SESN1: variants seen among roughly 807,000 people sequenced by gnomAD.
SESN1 encodes sestrin-1.
In SESN1, 30 loss-of-function variants were observed where a neutral mutation model predicts 59.3. The ratio of observed to expected loss-of-function variants is 0.51; its 90% CI spans 0.38 to 0.69. The LOEUF is 0.69. Among genes scored for constraint, SESN1 ranks in the 30% least tolerant of loss-of-function variants. SESN1 has a pLI of 0.00. For missense variants in SESN1, 566 were observed against 673.0 expected, an observed-to-expected ratio of 0.84 and a Z score of 1.76; for synonymous variants, 197 against 219.9, an observed-to-expected ratio of 0.90 and a Z score of 0.92.
chr6:109,027,748 A>G (rs1780118767), intron 1 of SESN1, among the ~76,000 whole-genome samples: 1 of 152,144 alleles, frequency 6.6e-6, no homozygotes, highest in Admixed American at 6.5e-5. Context: ...ACAACAAAGC[A>G]TTATCTGGCC....
At position 108,988,561 on chromosome 6, in the gene SESN1, C is replaced by T. The variant is rs769988474; in HGVS notation, c.1551G>A (p.Gln517=). The T allele has an allele frequency of 6.2e-7, 1 of 1,610,616 alleles. No homozygotes were observed. The highest frequency in any genetic ancestry group is 2.2e-5 in the East Asian group (1 of 44,784). The change falls in exon 9 of 10, where the codon CAG becomes CAA. Residue 517 remains glutamine (Q), a synonymous_variant. Coordinates refer to ENST00000436639, the MANE Select transcript of SESN1 (RefSeq NM_014454.3). ...TKRMYDSFWR[Q]FKHSEKVHVN... ...CACATACCTTCTCAGAGTGCTTGAACTGCCTCCAGAAGCTATCATACATTC... is the reference window on the plus strand; with the variant it reads ...CACATACCTTCTCAGAGTGCTTGAATTGCCTCCAGAAGCTATCATACATTC...
chr6:109,037,034 A>G (rs1780260440), intron 1 of SESN1, among the ~76,000 whole-genome samples: 1 of 152,176 alleles, frequency 6.6e-6, no homozygotes. Context: ...GCCCCCGCCC[A>G]TAATGTGCTG....
Position 108,984,434 on chromosome 6 carries a change from T to C in SESN1, c.*3110A>G, listed in dbSNP as rs1779127499. ...GGCACACTCTAGCTGTGTCCTTTCA[T>C]GGTAGAAGGGGAGCTCCCCAGACCT... On this transcript the variant is annotated 3_prime_UTR_variant, in exon 10 of 10. Coordinates refer to ENST00000436639, the MANE Select transcript of SESN1 (RefSeq NM_014454.3). Among the ~76,000 whole-genome samples, 1 of 152,204 alleles carries C rather than the reference T, an allele frequency of 6.6e-6. No individual in the cohort carries two copies. The highest frequency in any genetic ancestry group is 1.5e-5 in the Non-Finnish European group (1 of 68,030).
chr6:109,083,818 CAT>C (rs1159253229), intron 1 of SESN1, among the ~76,000 whole-genome samples: 3 of 152,194 alleles, frequency 2.0e-5, no homozygotes, highest in Non-Finnish European at 4.4e-5. Flanking sequence ...GTTTTTATCA[CAT>C]GATTGGAAGA....
chr6:109,024,306 A>C (rs1433537680), intron 1 of SESN1, among the ~76,000 whole-genome samples: 2 of 152,178 alleles, frequency 1.3e-5, no homozygotes, highest in African/African-American at 4.8e-5. Context: ...GACTACCATT[A>C]AACTGATAGC....
At chr6:109,079,336 C>A (rs188480818) in intron 1 of SESN1, among the ~76,000 whole-genome samples, 1 of 152,182 alleles carries the variant, frequency 6.6e-6, no homozygotes, top group African/African-American at 2.4e-5. Flanking sequence ...AAGAAAAAAG[C>A]AGGTGTCACT....
At chr6:109,000,371 A>G (rs1583264458) in intron 4 of SESN1, 120 bp downstream of exon 4, 1 of 660,120 alleles carries the variant, frequency 1.5e-6, no homozygotes, top group East Asian at 2.9e-5. Context: ...ATCTGTGGGA[A>G]GAGATTCAGG....
intron 1 of SESN1, chr6:109,008,712 C>A: frequency 1.1e-5 from 10 of 918,916 alleles, no homozygotes; most frequent in African/African-American, 1.8e-5. Flanking sequence ...CTATTTGCAA[C>A]CACTTAGAAA....
intron 1 of SESN1, among the ~76,000 whole-genome samples, chr6:109,033,059 G>A (rs766411441): frequency 2.6e-5 from 4 of 152,132 alleles, no homozygotes; most frequent in Non-Finnish European, 5.9e-5. Flanking sequence ...TACAGACAAT[G>A]CTATGGATTC....
intron 1 of SESN1, among the ~76,000 whole-genome samples, chr6:109,052,416 CAAAG>C (rs1780555643): frequency 6.6e-6 from 1 of 152,114 alleles, no homozygotes; most frequent in Non-Finnish European, 1.5e-5. Context: ...TCCTACCACT[CAAAG>C]AAAGCCACTG....
At chr6:109,081,688 A>C (rs1424348628) in intron 1 of SESN1, among the ~76,000 whole-genome samples, 1 of 152,058 alleles carries the variant, frequency 6.6e-6, no homozygotes, top group Non-Finnish European at 1.5e-5. Flanking sequence ...CTCCCCTCCC[A>C]TCCACCCCAA....
intron 1 of SESN1, among the ~76,000 whole-genome samples, chr6:109,022,406 TA>T (rs1256651127): frequency 4.5e-4 from 64 of 142,468 alleles, no homozygotes; most frequent in African/African-American, 1.5e-3. Flanking sequence ...GGCATTGTTC[TA>T]AAGCTTTTTT....
intron 1 of SESN1, among the ~76,000 whole-genome samples, chr6:109,013,883 C>A (rs753603501): frequency 6.6e-6 from 1 of 152,164 alleles, no homozygotes; most frequent in Non-Finnish European, 1.5e-5. Flanking sequence ...CAGCTCATAT[C>A]TTCCTGTTTT....
At chr6:109,058,811 G>A (rs720698) in intron 1 of SESN1, among the ~76,000 whole-genome samples, 5,111 of 151,946 alleles carry the variant, frequency 0.034, 122 homozygotes, top group Non-Finnish European at 0.048. Context: ...GTTTTCACTC[G>A]TATGATAGTT....
At chr6:109,052,063 G>A (rs930405412) in intron 1 of SESN1, among the ~76,000 whole-genome samples, 5 of 152,262 alleles carry the variant, frequency 3.3e-5, no homozygotes, top group Non-Finnish European at 7.4e-5. Context: ...TGAGGTTTTT[G>A]CCATTACTTT....
intron 1 of SESN1, among the ~76,000 whole-genome samples, chr6:109,020,326 T>G (rs946517455): frequency 5.9e-5 from 9 of 152,236 alleles, no homozygotes; most frequent in South Asian, 4.1e-4. Flanking sequence ...GTAGTGATTA[T>G]TTGTTTCATC....
chr6:109,026,418 A>G (rs968751812), intron 1 of SESN1, among the ~76,000 whole-genome samples: 4 of 152,208 alleles, frequency 2.6e-5, no homozygotes, highest in African/African-American at 9.6e-5. Context: ...TTCTGTACGA[A>G]TTCTGAATAG....
intron 1 of SESN1, among the ~76,000 whole-genome samples, chr6:109,046,885 G>C (rs1780452200): frequency 8.0e-6 from 1 of 125,102 alleles, no homozygotes; most frequent in African/African-American, 2.9e-5. Context: ...CCCTCCGTCC[G>C]GCAGCTGCCC....
rs761836090 is a variant in SESN1, at chr6:109,002,350, A to C, written c.280-7T>G. ...GAATTCTAATGCCAAGTTCCTAGAAAAGAAAATTACACCATCTCAGGCCTT... is the reference window on the plus strand; with the variant it reads ...GAATTCTAATGCCAAGTTCCTAGAACAGAAAATTACACCATCTCAGGCCTT... On this transcript the variant is annotated splice_region_variant and splice_polypyrimidine_tract_variant and intron_variant, in intron 1 of 9. Transcript: ENST00000436639. 1 of 1,612,254 alleles carries C rather than the reference A, an allele frequency of 6.2e-7. No homozygotes were observed.
Sources: gnomAD v4.1 joint callset for allele counts (sites outside exome capture counted in the v4.1 genomes callset) on GRCh38, gnomAD v4.1.1 for gene constraint, MANE v1.5 for transcripts, NCBI Gene and HGNC (gene_info 2026-07-23, HGNC 2026-07-21) for gene names.